KCNQ5: variants seen among roughly 807,000 people sequenced by gnomAD.
The protein encoded by KCNQ5 is potassium voltage-gated channel subfamily KQT member 5.
A neutral mutation model predicts 98.2 loss-of-function variants in KCNQ5; 30 were observed. That is an observed-to-expected ratio of 0.31 (90% CI 0.23 to 0.41). KCNQ5 has a LOEUF of 0.41. Among genes scored for constraint, KCNQ5 ranks in the 10% least tolerant of loss-of-function variants. The pLI is 1.00. For missense variants in KCNQ5, 835 were observed against 1,182.5 expected, an observed-to-expected ratio of 0.71 and a Z score of 4.31; for synonymous variants, 458 against 449.4, an observed-to-expected ratio of 1.02 and a Z score of -0.24.
chr6:73,048,262 A>C (rs1772059783), intron 3 of KCNQ5, among the ~76,000 whole-genome samples: 2 of 152,362 alleles, frequency 1.3e-5, no homozygotes, highest in South Asian at 4.1e-4. Flanking sequence ...AATATTAAGA[A>C]GAAGCCAGCC....
chr6:72,825,006 C>T (rs1223063222), intron 1 of KCNQ5, among the ~76,000 whole-genome samples: 1 of 151,990 alleles, frequency 6.6e-6, no homozygotes, highest in Non-Finnish European at 1.5e-5. Flanking sequence ...AGTAATCTTC[C>T]CATTTTGACA....
chr6:72,771,699 C>G (rs530658761), intron 1 of KCNQ5, among the ~76,000 whole-genome samples: 3 of 137,536 alleles, frequency 2.2e-5, no homozygotes, highest in African/African-American at 7.7e-5. Context: ...ACATCATGTT[C>G]TATACCTTAA....
chr6:72,946,033 G>C (rs1257536440), intron 1 of KCNQ5, among the ~76,000 whole-genome samples: 1 of 152,116 alleles, frequency 6.6e-6, no homozygotes, highest in Non-Finnish European at 1.5e-5. Context: ...GCCAGGACTA[G>C]ACCAGCTGTA....
intron 1 of KCNQ5, among the ~76,000 whole-genome samples, chr6:72,964,568 C>A (rs537098136): frequency 4.6e-5 from 7 of 152,236 alleles, no homozygotes; most frequent in Admixed American, 3.3e-4. Context: ...CATTTAAGAT[C>A]ATCTCTTATA....
At chr6:72,836,483 G>A (rs891763443) in intron 1 of KCNQ5, among the ~76,000 whole-genome samples, 55 of 151,924 alleles carry the variant, frequency 3.6e-4, no homozygotes, top group Non-Finnish European at 6.5e-4. Context: ...AATCACCCAG[G>A]CTCATCATAC....
Position 72,852,568 on chromosome 6 carries a change from C to T in KCNQ5, c.399-151340C>T, listed in dbSNP as rs577940252. Among the ~76,000 whole-genome samples the T allele has an allele frequency of 8.3e-3, 1,148 of 139,014 alleles. 9 individuals are homozygous for T. The highest frequency in any genetic ancestry group is 0.013 in the Non-Finnish European group (846 of 65,178). 91.2% of individuals were successfully genotyped at this position (139,014 alleles called of 152,430 possible). On this transcript the variant is annotated intron_variant, in intron 1 of 13. Transcript: ENST00000370398. ...TATCGGAGCAAAAAAAAGTGGATCTCGTGAAGATAGAGAGTAGATTGGTAG... is the reference window on the plus strand; with the variant it reads ...TATCGGAGCAAAAAAAAGTGGATCTTGTGAAGATAGAGAGTAGATTGGTAG...
chr6:73,008,995 A>AT lies in KCNQ5; in HGVS notation c.489+5006dup, dbSNP rs551076861. 2.2e-4 allele frequency among the ~76,000 whole-genome samples: 34 copies of AT among 151,320 alleles called. No homozygotes were observed. In the East Asian group the frequency reaches 3.7e-3, roughly 16 times the overall value. Reference sequence around the variant, plus strand: ...AAATTAAACAGCATGCCTTTGTTTTATTTTTTTTTCTTGAGACAGAGCCTC... The same window carrying AT: ...AAATTAAACAGCATGCCTTTGTTTTATTTTTTTTTTCTTGAGACAGAGCCTC... On this transcript the variant is annotated intron_variant, in intron 2 of 13. Coordinates refer to ENST00000370398, the MANE Select transcript of KCNQ5 (RefSeq NM_019842.4).
intron 1 of KCNQ5, among the ~76,000 whole-genome samples, chr6:72,865,952 G>T (rs1777959995): frequency 6.6e-6 from 1 of 152,124 alleles, no homozygotes; most frequent in Non-Finnish European, 1.5e-5. Flanking sequence ...CAACTTGCCT[G>T]GTAGACAGAC....
chr6:73,081,089 A>G (rs915529301), intron 5 of KCNQ5, among the ~76,000 whole-genome samples: 2 of 152,236 alleles, frequency 1.3e-5, no homozygotes, highest in African/African-American at 4.8e-5. Context: ...AAGTTAAATG[A>G]AAGCACCTTT....
intron 2 of KCNQ5, among the ~76,000 whole-genome samples, chr6:73,016,596 A>T: frequency 6.6e-6 from 1 of 152,128 alleles, no homozygotes; most frequent in Non-Finnish European, 1.5e-5. Flanking sequence ...AATGGACTAG[A>T]GCAGAGAGTA....
Position 73,190,584 on chromosome 6 carries a change from T to G in KCNQ5, c.1589T>G (p.Phe530Cys), listed in dbSNP as rs1765557574. The G allele has an allele frequency of 6.7e-7, 1 of 1,503,212 alleles. No individual in the cohort carries two copies. The allele number at this position is 1,503,212 out of a possible 1,614,324, so 93.1% of individuals were successfully genotyped here. ...ATGTTCTCATACAGAATTATGAAAT[T>G]TCATGTTGCAAAACGGAAGTTTAAG... ...TVIRAIRIMKFHVAKRKFKET... is the reference protein window; with the variant it reads ...TVIRAIRIMKCHVAKRKFKET... Residue 530 changes from phenylalanine to cysteine, a missense_variant, in exon 12 of 14, where the codon TTT (phenylalanine) becomes TGT (cysteine). By Grantham distance (205) the Phe-to-Cys change is radical. This residue lies in a region of KCNQ5 where 146 missense variants were observed against 256.7 expected (regional missense o/e 0.57). Transcript: ENST00000370398.
intron 1 of KCNQ5, among the ~76,000 whole-genome samples, chr6:72,887,634 T>C (rs1215483430): frequency 6.6e-6 from 1 of 152,110 alleles, no homozygotes; most frequent in Non-Finnish European, 1.5e-5. Context: ...TTGATAGTGG[T>C]GGTGATTAAA....
intron 6 of KCNQ5, among the ~76,000 whole-genome samples, chr6:73,109,991 G>C (rs752498964): frequency 7.2e-5 from 11 of 152,094 alleles, no homozygotes; most frequent in Admixed American, 2.0e-4. Context: ...GTTATCTAGA[G>C]CCCAAAAATA....
chr6:72,751,274 A>G (rs9442843), intron 1 of KCNQ5, among the ~76,000 whole-genome samples: 22,073 of 151,616 alleles, frequency 0.15, 5,221 homozygotes, highest in African/African-American at 0.5. Context: ...TACAGGATGA[A>G]TTTAGGTAAT....
intron 5 of KCNQ5, among the ~76,000 whole-genome samples, chr6:73,098,241 G>T (rs1774602804): frequency 6.6e-6 from 1 of 151,754 alleles, no homozygotes; most frequent in Non-Finnish European, 1.5e-5. Context: ...AGAGACAAAA[G>T]ATAAAAGAAT....
intron 1 of KCNQ5, among the ~76,000 whole-genome samples, chr6:72,950,384 A>G (rs1004638860): frequency 6.6e-6 from 1 of 152,236 alleles, no homozygotes; most frequent in African/African-American, 2.4e-5. Flanking sequence ...AAGTCACTGA[A>G]TGGAGTTGAT....
intron 10 of KCNQ5, among the ~76,000 whole-genome samples, chr6:73,161,366 G>A (rs1777609154): frequency 6.6e-6 from 1 of 152,228 alleles, no homozygotes. Context: ...GCTACAGTCT[G>A]ATAGAAGAAA....
chr6:73,104,452 T>G (rs1260987475), intron 5 of KCNQ5, among the ~76,000 whole-genome samples: 3 of 151,946 alleles, frequency 2.0e-5, no homozygotes, highest in Non-Finnish European at 4.4e-5. Context: ...ATTGAAGAAG[T>G]CACTAATCCT....
At chr6:72,909,275 GAAGA>G (rs1333506201) in intron 1 of KCNQ5, among the ~76,000 whole-genome samples, 1 of 152,176 alleles carries the variant, frequency 6.6e-6, no homozygotes, top group Non-Finnish European at 1.5e-5. Context: ...GGGGCAGACA[GAAGA>G]GAGATGAGGT....
Sources: allele counts gnomAD v4.1 joint callset (sites outside exome capture counted in the v4.1 genomes callset), GRCh38; gene constraint gnomAD v4.1.1; regional missense constraint gnomAD v4.1.1; transcripts MANE v1.5; gene names NCBI Gene and HGNC (gene_info 2026-07-23, HGNC 2026-07-21).